PPEF1: variants seen among roughly 807,000 people sequenced by gnomAD.
PPEF1 encodes the protein protein phosphatase with EF-hand domain 1, also known as serine/threonine-protein phosphatase with EF-hands 1.
PPEF1 carries 12 observed loss-of-function variants against 53.3 expected under a neutral mutation model. The ratio of observed to expected loss-of-function variants is 0.23; its 90% CI spans 0.14 to 0.36. The LOEUF (loss-of-function observed/expected upper bound fraction) is 0.36. PPEF1 is among the 10% of genes least tolerant of loss of function. The pLI, the probability that PPEF1 is intolerant of heterozygous loss-of-function variation, is 1.00. For missense variants in PPEF1, 334 were observed against 490.4 expected, an observed-to-expected ratio of 0.68 and a Z score of 3.01; for synonymous variants, 165 against 176.7, an observed-to-expected ratio of 0.93 and a Z score of 0.52.
At chrX:18,701,064 G>C (rs774770996) in intron 6 of PPEF1, among the ~76,000 whole-genome samples, 28 of 111,159 alleles carry the variant, frequency 2.5e-4, no homozygotes, top group African/African-American at 9.1e-4. Flanking sequence ...TCTCAGTTTT[G>C]TTCATCTGTA....
At chrX:18,703,329 C>G (rs1168627964), upstream of PPEF1, among the ~76,000 whole-genome samples, 4 of 111,566 alleles carry the variant, frequency 3.6e-5, no homozygotes, top group African/African-American at 1.3e-4. Flanking sequence ...ATTATTATAG[C>G]CAATTTTTTC....
intron 6 of PPEF1, among the ~76,000 whole-genome samples, chrX:18,776,398 C>G (rs1222796472): frequency 9.0e-6 from 1 of 110,972 alleles, no homozygotes; most frequent in Non-Finnish European, 1.9e-5. Flanking sequence ...TCACACCTGG[C>G]TGATTTTTTT....
At chrX:18,819,695 A>C (rs769113852) in intron 13 of PPEF1, among the ~76,000 whole-genome samples, 1 of 108,724 alleles carries the variant, frequency 9.2e-6, no homozygotes, top group South Asian at 3.8e-4. Context: ...ACTCTGTCTC[A>C]AACAAACAAA....
intron 3 of PPEF1, among the ~76,000 whole-genome samples, chrX:18,739,436 G>C (rs2045086685): frequency 1.8e-5 from 2 of 112,235 alleles, no homozygotes; most frequent in Non-Finnish European, 3.8e-5. Context: ...ACCAGCAGAG[G>C]CTTCAGAACA....
At chrX:18,784,143 G>C in intron 9 of PPEF1, 95 bp downstream of exon 9, 1 of 804,264 alleles carries the variant, frequency 1.2e-6, no homozygotes, top group Non-Finnish European at 1.7e-6. Flanking sequence ...GTGTTTTAGT[G>C]GTTGTAACTC....
upstream of PPEF1, among the ~76,000 whole-genome samples, chrX:18,679,423 A>C (rs1928795874): frequency 9.0e-6 from 1 of 111,442 alleles, no homozygotes; most frequent in South Asian, 3.8e-4. Context: ...CTTTCCAGCT[A>C]TTTAGGCCTA....
chrX:18,707,688 G>A lies in PPEF1; in HGVS notation c.-93G>A. 1 of 805,701 alleles carries A rather than the reference G, an allele frequency of 1.2e-6. No individual in the cohort carries two copies. Among genetic ancestry groups the A allele is most frequent in the Non-Finnish European group, 1.9e-6 (1 of 535,112 alleles). The allele number at this position is 805,701 out of a possible 1,213,427, so 66.4% of individuals were successfully genotyped here. A position where few individuals can be genotyped will look rare whatever the true frequency, so the allele number is the denominator to read the frequency against. Reference sequence around the variant, plus strand: ...TATGACTGAAGAGGATCGGCTAAGAGTGGTTCCTCGCAGCTTAAAGGGAGG... The same window carrying A: ...TATGACTGAAGAGGATCGGCTAAGAATGGTTCCTCGCAGCTTAAAGGGAGG... On this transcript the variant is annotated 5_prime_UTR_variant, in exon 1 of 16. The change creates a new upstream start codon in the 5' untranslated region. Coordinates refer to ENST00000470157, the MANE Select transcript of PPEF1 (RefSeq NM_001377996.1).
chrX:18,765,378 A>T (rs1349796157), intron 6 of PPEF1, among the ~76,000 whole-genome samples: 25 of 112,040 alleles, frequency 2.2e-4, no homozygotes. Context: ...AAAGAGATCT[A>T]GTGTACAACA....
At chrX:18,761,499 A>T (rs763117786) in intron 5 of PPEF1, 31 bp from the exon 6 acceptor site, 1 of 1,177,873 alleles carries the variant, frequency 8.5e-7, no homozygotes, top group Non-Finnish European at 1.2e-6. Flanking sequence ...CTTGTTCTCT[A>T]CTGAATACTG....
intron 1 of PPEF1, among the ~76,000 whole-genome samples, chrX:18,713,369 A>G (rs1369547808): frequency 1.9e-5 from 2 of 105,534 alleles, no homozygotes; most frequent in Non-Finnish European, 1.9e-5. Context: ...CATTTCATCT[A>G]CATTATCTAA....
At chrX:18,691,954 C>G (rs1235658737) in intron 4 of PPEF1, among the ~76,000 whole-genome samples, 1 of 112,049 alleles carries the variant, frequency 8.9e-6, no homozygotes, top group Non-Finnish European at 1.9e-5. Flanking sequence ...CAGATTGCTT[C>G]TTTGTTAGCC....
At chrX:18,825,329 T>C (rs889668289) in intron 14 of PPEF1, among the ~76,000 whole-genome samples, 2 of 111,845 alleles carry the variant, frequency 1.8e-5, no homozygotes, top group Non-Finnish European at 3.8e-5. Context: ...CAGTTTACCA[T>C]GGTGACTAAG....
At chrX:18,783,833 C>A in intron 8 of PPEF1, 66 bp from the exon 9 acceptor site, 2 of 1,072,646 alleles carry the variant, frequency 1.9e-6, no homozygotes, top group Non-Finnish European at 2.5e-6. Flanking sequence ...TTTGTCCATA[C>A]TTGGGGACTA....
upstream of PPEF1, among the ~76,000 whole-genome samples, chrX:18,680,923 A>G (rs748844398): frequency 3.6e-5 from 4 of 110,486 alleles, no homozygotes; most frequent in South Asian, 7.8e-4. Flanking sequence ...AGTTTCATCC[A>G]TGTCCCTACA....
At chrX:18,813,282 G>A (rs1461767685) in intron 12 of PPEF1, among the ~76,000 whole-genome samples, 1 of 107,761 alleles carries the variant, frequency 9.3e-6, no homozygotes, top group Non-Finnish European at 1.9e-5. Flanking sequence ...AGGAGGCTGA[G>A]GCAGAAGAAT....
intron 4 of PPEF1, among the ~76,000 whole-genome samples, chrX:18,757,354 AC>A (rs2045569105): frequency 9.2e-6 from 1 of 108,962 alleles, no homozygotes; most frequent in African/African-American, 3.4e-5. Flanking sequence ...TTTTGTCTGC[AC>A]GTTTCCCTAG....
intron 10 of PPEF1, 49 bp downstream of exon 10, chrX:18,789,322 C>T (rs753622386): frequency 4.0e-5 from 44 of 1,107,201 alleles, no homozygotes; most frequent in East Asian, 2.7e-4. Context: ...CACTAGCGTG[C>T]ATGTTGTCCC....
intron 3 of PPEF1, among the ~76,000 whole-genome samples, chrX:18,745,735 G>A (rs768462386): frequency 4.4e-4 from 49 of 111,804 alleles, no homozygotes; most frequent in Non-Finnish European, 7.0e-4. Flanking sequence ...ATAAAGCGAT[G>A]TTAAGGAAGT....
intron 5 of PPEF1, 57 bp downstream of exon 5, chrX:18,757,798 C>A: frequency 1.1e-6 from 1 of 877,629 alleles, no homozygotes; most frequent in Non-Finnish European, 1.7e-6. Flanking sequence ...GGTCCTACAT[C>A]GTTTGCCTAA....
Sources: allele counts gnomAD v4.1 joint callset (sites outside exome capture counted in the v4.1 genomes callset), GRCh38; gene constraint gnomAD v4.1.1; transcripts MANE v1.5; gene names NCBI Gene and HGNC (gene_info 2026-07-23, HGNC 2026-07-21).